Variants in SNRNP35 observed in about 807,000 individuals in gnomAD.
SNRNP35 encodes U11/U12 small nuclear ribonucleoprotein 35 kDa protein.
In SNRNP35, 16 loss-of-function variants were observed where a neutral mutation model predicts 24.3. The observed-to-expected ratio is 0.66, with a 90% CI of 0.45 to 1.00. The LOEUF (loss-of-function observed/expected upper bound fraction) is 1.00. Among genes scored for constraint, SNRNP35 ranks in the 50% least tolerant of loss-of-function variants. The pLI is 0.00. For missense variants in SNRNP35, 292 were observed against 327.2 expected, an observed-to-expected ratio of 0.89 and a Z score of 0.83; for synonymous variants, 106 against 124.8, an observed-to-expected ratio of 0.85 and a Z score of 1.00.
rs1369961694 is a variant in SNRNP35 at position 123,465,686 on chromosome 12, C to A, written c.146C>A (p.Pro49His). ...CCCAACAAAGGTGTCATAGGAGATC[C>A]CCTCCTCACCCTGTTTGTGGCCAGA... ...YVPNKGVIGD[P>H]LLTLFVARLN... Residue 49 changes from proline to histidine, a missense_variant, in exon 2 of 2, where the codon CCC (proline) becomes CAC (histidine). Physicochemically the swap from Pro to His is moderately conservative, Grantham distance 77. Coordinates refer to ENST00000526639, the MANE Select transcript of SNRNP35 (RefSeq NM_022717.4). This position sits in a 1 kb window ranked among gnomAD's most constrained non-coding sequence, Gnocchi z 4.2. 8.7e-6 allele frequency: 14 copies of A among 1,613,692 alleles called. No homozygotes were observed. The highest frequency in any genetic ancestry group is 1.2e-5 in the Non-Finnish European group (14 of 1,179,908).
downstream of SNRNP35, among the ~76,000 whole-genome samples, chr12:123,469,098 C>T (rs1881077430): frequency 6.6e-6 from 1 of 152,172 alleles, no homozygotes; most frequent in African/African-American, 2.4e-5. Flanking sequence ...TCAAAAATGT[C>T]TCCAGACTGC....
Position 123,466,217 on chromosome 12 carries a change from A to G in SNRNP35, c.677A>G (p.Glu226Gly). 6.4e-7 allele frequency: 1 copy of G among 1,559,060 alleles called. No homozygotes were observed. Among genetic ancestry groups the G allele is most frequent in the Non-Finnish European group, 8.6e-7 (1 of 1,156,288 alleles). ...PTRVWPDNDW[E>G]RERDFRDDRI... The stretch of plus-strand genomic sequence containing the variant: ...AGGGTGTGGCCCGACAATGACTGGG[A>G]GAGAGAGAGGGACTTCAGAGATGAC... The change falls in exon 2 of 2, where the codon GAG becomes GGG. Residue 226 changes from glutamate (E) to glycine (G), a missense_variant. Physicochemically the swap from Glu to Gly is moderately conservative, Grantham distance 98. Transcript: ENST00000526639.
downstream of SNRNP35, among the ~76,000 whole-genome samples, chr12:123,469,739 G>A (rs188011909): frequency 1.2e-3 from 190 of 152,226 alleles, no homozygotes; most frequent in Non-Finnish European, 1.7e-3. Context: ...CTGGGCTCAA[G>A]TGATCCTCCC....
rs1350598563 is a variant in SNRNP35, at chr12:123,466,294, A to G, written c.*13A>G. The G allele has an allele frequency of 1.3e-6, 2 of 1,510,700 alleles. No individual in the cohort carries two copies. The highest frequency in any genetic ancestry group is 1.8e-6 in the Non-Finnish European group (2 of 1,132,190). The allele number at this position is 1,510,700 out of a possible 1,614,324, so 93.6% of individuals were successfully genotyped here. On this transcript the variant is annotated 3_prime_UTR_variant, in exon 2 of 2. Coordinates refer to ENST00000526639, the MANE Select transcript of SNRNP35 (RefSeq NM_022717.4). ...AAGAGGCAAGTAGAGGCCCAACAGCAGAACCCCAAAGTGAAGTTACAGTGG... is the reference window on the plus strand; with the variant it reads ...AAGAGGCAAGTAGAGGCCCAACAGCGGAACCCCAAAGTGAAGTTACAGTGG...
At chr12:123,462,556 G>A (rs1004032229) in intron 1 of SNRNP35, among the ~76,000 whole-genome samples, 1 of 150,652 alleles carries the variant, frequency 6.6e-6, no homozygotes, top group African/African-American at 2.5e-5. Flanking sequence ...GCCCAGGCTG[G>A]AGGGCAGTGG....
rs1880945975 is a variant in SNRNP35 at position 123,465,923 on chromosome 12, T to C, written c.383T>C (p.Leu128Pro). 6.2e-7 allele frequency: 1 copy of C among 1,613,606 alleles called. No individual in the cohort carries two copies. The highest frequency in any genetic ancestry group is 8.5e-7 in the Non-Finnish European group (1 of 1,179,966). ...CATGAGATATTTGTGGACTACGAGC[T>C]GGAAAGGACTCTCAAAGGGTGGATC... ...DQHEIFVDYE[L>P]ERTLKGWIPR... The change falls in exon 2 of 2, where the codon CTG becomes CCG. Residue 128 changes from leucine (L) to proline (P), a missense_variant. Physicochemically the swap from Leu to Pro is moderately conservative, Grantham distance 98. Coordinates refer to ENST00000526639, the MANE Select transcript of SNRNP35 (RefSeq NM_022717.4). The surrounding 1 kb of genome is among the most constrained non-coding windows in gnomAD (Gnocchi z 4.2).
In SNRNP35 at chr12:123,465,390, G is replaced by T; in HGVS notation, c.-3-148G>T. On this transcript the variant is annotated intron_variant, in intron 1 of 1. Coordinates refer to ENST00000526639, the MANE Select transcript of SNRNP35 (RefSeq NM_022717.4). This position sits in a 1 kb window ranked among gnomAD's most constrained non-coding sequence, Gnocchi z 4.2. ...GTGCTGTCTCCCCCACTTACTAGCA[G>T]GGAGGACTTAGCCTCTGTGGGTGTT... The T allele has an allele frequency of 2.2e-6, 2 of 925,002 alleles. No homozygotes were observed. Among genetic ancestry groups the T allele is most frequent in the South Asian group, 4.5e-5 (2 of 44,314 alleles). 57.3% of individuals were successfully genotyped at this position (925,002 alleles called of 1,614,324 possible).
intron 1 of SNRNP35, among the ~76,000 whole-genome samples, chr12:123,462,378 A>G (rs1326192831): frequency 6.6e-6 from 1 of 152,294 alleles, no homozygotes. Context: ...GGCATATTCA[A>G]GGAAGGAGGA....
chr12:123,459,114 G>A (rs1005579722), intron 1 of SNRNP35: 1 of 151,232 alleles, frequency 6.6e-6, no homozygotes. Context: ...ATTATTGATT[G>A]ATTGATTGAA....
chr12:123,458,150 GGA>G lies in SNRNP35; in HGVS notation c.-67_-66del. On this transcript the variant is annotated 5_prime_UTR_variant, in exon 1 of 2. Transcript: ENST00000526639. Reference sequence around the variant, plus strand: ...GTAAAGGTCAGGCCGAGGCCGGCGCGGAGAATCTGCTGTCGCCTGCAGCTGCT... The same window carrying G: ...GTAAAGGTCAGGCCGAGGCCGGCGCGGAATCTGCTGTCGCCTGCAGCTGCT... 9.1e-6 allele frequency: 9 copies of G among 985,384 alleles called. No individual in the cohort carries two copies. The highest frequency in any genetic ancestry group is 1.1e-5 in the Non-Finnish European group (9 of 829,954). The allele number at this position is 985,384 out of a possible 1,614,324, so 61.0% of individuals were successfully genotyped here.
chr12:123,464,844 T>C (rs1423252608), intron 1 of SNRNP35: 1 of 152,246 alleles, frequency 6.6e-6, no homozygotes, highest in Admixed American at 6.5e-5. Context: ...CACTGTAGCC[T>C]TAGCTTTGTT....
exon 2 of SNRNP35, chr12:123,472,618 C>G (rs543677202): frequency 4.4e-6 from 7 of 1,586,896 alleles, no homozygotes; most frequent in East Asian, 4.6e-5. Context: ...CCAAAGGACT[C>G]CTGGATGTGC....
intron 1 of SNRNP35, chr12:123,460,028 T>C: frequency 4.5e-6 from 3 of 668,932 alleles, no homozygotes; most frequent in South Asian, 1.8e-5. Flanking sequence ...TACAATAATA[T>C]CAGTTTTATT....
intron 1 of SNRNP35, chr12:123,459,972 C>A: frequency 1.0e-6 from 1 of 994,894 alleles, no homozygotes; most frequent in Non-Finnish European, 1.6e-6. Context: ...AATTCTCCTC[C>A]ATTTTAATTT....
At chr12:123,468,924 A>G (rs1881071685), downstream of SNRNP35, among the ~76,000 whole-genome samples, 1 of 152,160 alleles carries the variant, frequency 6.6e-6, no homozygotes, top group African/African-American at 2.4e-5. Context: ...TTTTGAGAGT[A>G]AAGGATTGGA....
Position 123,465,035 on chromosome 12 carries a change from T to C in SNRNP35, c.-3-503T>C, listed in dbSNP as rs1880867172. On this transcript the variant is annotated intron_variant, in intron 1 of 1. Transcript: ENST00000526639. This position sits in a 1 kb window ranked among gnomAD's most constrained non-coding sequence, Gnocchi z 4.2. ...GGCCACATGTGCATGGTGGTTCTAGTTGAGCCGGGTGAGAAGTTTGTGGAG... is the reference window on the plus strand; with the variant it reads ...GGCCACATGTGCATGGTGGTTCTAGCTGAGCCGGGTGAGAAGTTTGTGGAG... 1 of 152,546 alleles carries C rather than the reference T, an allele frequency of 6.6e-6. No individual in the cohort carries two copies. The highest frequency in any genetic ancestry group is 2.1e-4 in the South Asian group (1 of 4,838). 9.4% of individuals were successfully genotyped at this position (152,546 alleles called of 1,614,324 possible).
rs1266112279 is a variant in SNRNP35 at position 123,458,219 on chromosome 12, G to A, written c.-4+3G>A. On this transcript the variant is annotated splice_donor_region_variant and intron_variant, in intron 1 of 1. Coordinates refer to ENST00000526639, the MANE Select transcript of SNRNP35 (RefSeq NM_022717.4). ...AAGGGAGCCCAAGCTTTGCAGAGGT[G>A]AGTGGAAGCGGCTTGGAAGGAGCGG... The A allele has an allele frequency of 1.0e-6, 1 of 985,372 alleles. No individual in the cohort carries two copies. The highest frequency in any genetic ancestry group is 1.2e-6 in the Non-Finnish European group (1 of 830,002). 61.0% of individuals were successfully genotyped at this position (985,372 alleles called of 1,614,324 possible).
downstream of SNRNP35, chr12:123,470,250 T>C (rs1593520474): frequency 7.0e-6 from 1 of 143,766 alleles, no homozygotes; most frequent in African/African-American, 2.6e-5. Flanking sequence ...GGCTGGGGTG[T>C]GAGGATCACT....
chr12:123,469,491 G>C (rs563244360), downstream of SNRNP35, among the ~76,000 whole-genome samples: 28 of 150,784 alleles, frequency 1.9e-4, no homozygotes, highest in Non-Finnish European at 3.7e-4. Flanking sequence ...TGGAGTTATT[G>C]CTATACATTT....
Sources: allele counts gnomAD v4.1 joint callset (sites outside exome capture counted in the v4.1 genomes callset), GRCh38; gene constraint gnomAD v4.1.1; non-coding constraint Gnocchi (gnomAD v3.1); transcripts MANE v1.5; gene names NCBI Gene and HGNC (gene_info 2026-07-23, HGNC 2026-07-21).